KCNJ12: variants seen among roughly 807,000 people sequenced by gnomAD.
KCNJ12 encodes ATP-sensitive inward rectifier potassium channel 12.
KCNJ12 carries 2 observed loss-of-function variants against 22.3 expected under a neutral mutation model. The observed-to-expected ratio is 0.09, with a 90% CI of 0.04 to 0.28. The LOEUF (loss-of-function observed/expected upper bound fraction) is 0.28, where lower values mean the gene tolerates loss of function less well. Ranked by LOEUF, KCNJ12 falls within the 10% of genes least tolerant of loss-of-function variation. KCNJ12 has a pLI of 1.00. For missense variants in KCNJ12, 155 were observed against 633.3 expected, an observed-to-expected ratio of 0.24 and a Z score of 8.11; for synonymous variants, 117 against 261.4, an observed-to-expected ratio of 0.45 and a Z score of 5.33.
intron 1 of KCNJ12, among the ~76,000 whole-genome samples, chr17:21,383,883 A>T (rs781977898): frequency 6.6e-6 from 1 of 152,212 alleles, no homozygotes; most frequent in African/African-American, 2.4e-5. Flanking sequence ...CACATGAGCC[A>T]TCACGGGCAT....
chr17:21,415,278 C>G lies in KCNJ12; in HGVS notation c.-56-9C>G. On this transcript the variant is annotated splice_polypyrimidine_tract_variant and intron_variant, in intron 2 of 2. Transcript: ENST00000583088. The stretch of plus-strand genomic sequence containing the variant: ...AGCCCAGCCAGACATGCTGTCGTCT[C>G]TGTTGCAGGAGCCGCCCTGCCTGGA... 1 of 1,563,104 alleles carries G rather than the reference C, an allele frequency of 6.4e-7. No homozygotes were observed.
chr17:21,401,044 T>C (rs1351768953), intron 1 of KCNJ12, among the ~76,000 whole-genome samples: 152 of 152,174 alleles, frequency 1.0e-3, no homozygotes, highest in African/African-American at 3.3e-3. Flanking sequence ...TGATGATTTT[T>C]CCCCCATCAA....
chr17:21,412,331 C>A (rs1239511500), intron 2 of KCNJ12, among the ~76,000 whole-genome samples: 1 of 152,282 alleles, frequency 6.6e-6, no homozygotes. Context: ...TGTGGCAGCA[C>A]CCTCACCAGT....
At chr17:21,389,300 G>C (rs1905150804) in intron 1 of KCNJ12, among the ~76,000 whole-genome samples, 1 of 152,230 alleles carries the variant, frequency 6.6e-6, no homozygotes, top group Non-Finnish European at 1.5e-5. Context: ...ACCAAGCTAA[G>C]AGGACAAGCC....
intron 1 of KCNJ12, among the ~76,000 whole-genome samples, chr17:21,396,312 A>G (rs1905361008): frequency 6.6e-6 from 1 of 152,154 alleles, no homozygotes; most frequent in Non-Finnish European, 1.5e-5. Context: ...GGAATCTGAG[A>G]TGACACAGCC....
At chr17:21,411,397 G>A (rs1272770401) in intron 2 of KCNJ12, among the ~76,000 whole-genome samples, 3 of 152,184 alleles carry the variant, frequency 2.0e-5, no homozygotes, top group South Asian at 2.1e-4. Context: ...CCGGGCCCGT[G>A]CTCTCTCCCC....
At chr17:21,382,190 C>G (rs566165064) in intron 1 of KCNJ12, among the ~76,000 whole-genome samples, 328 of 152,342 alleles carry the variant, frequency 2.2e-3, no homozygotes, top group South Asian at 7.9e-3. Context: ...GCTCCAAGCC[C>G]TGTTGTGTCC....
chr17:21,396,536 G>C (rs570599071), intron 1 of KCNJ12, among the ~76,000 whole-genome samples: 1 of 152,310 alleles, frequency 6.6e-6, no homozygotes, highest in East Asian at 1.9e-4. Flanking sequence ...CCCCGTGCCT[G>C]GCCGGGGTTC....
At chr17:21,381,037 G>A (rs1904847676) in intron 1 of KCNJ12, among the ~76,000 whole-genome samples, 1 of 152,254 alleles carries the variant, frequency 6.6e-6, no homozygotes, top group African/African-American at 2.4e-5. Flanking sequence ...TGCATCATTG[G>A]ACATGGTTCC....
chr17:21,411,219 C>T (rs1473834106), intron 2 of KCNJ12, among the ~76,000 whole-genome samples: 158 of 152,336 alleles, frequency 1.0e-3, no homozygotes, highest in African/African-American at 2.6e-3. Context: ...AAGCACCTCC[C>T]GGTGACTCCT....
At chr17:21,402,057 C>T (rs558556892) in intron 1 of KCNJ12, among the ~76,000 whole-genome samples, 22 of 152,380 alleles carry the variant, frequency 1.4e-4, no homozygotes, top group South Asian at 8.3e-4. Flanking sequence ...TGCGCGTCCT[C>T]GGCCAAGTCC....
At position 21,379,214 on chromosome 17, in the gene KCNJ12, T is replaced by C. The variant is rs560030209; in HGVS notation, c.-179+2301T>C. ...CCGGTTCTGCCTATGGGCAGTTTTCTCTGCCTAGCCAGGCCTCCGGTACCC... is the reference window on the plus strand; with the variant it reads ...CCGGTTCTGCCTATGGGCAGTTTTCCCTGCCTAGCCAGGCCTCCGGTACCC... On this transcript the variant is annotated intron_variant, in intron 1 of 2. Transcript: ENST00000583088. Among the ~76,000 whole-genome samples the C allele has an allele frequency of 3.9e-5, 6 of 152,358 alleles. No individual in the cohort carries two copies. The East Asian group carries it at 1.2e-3, about 29-fold the overall frequency.
In KCNJ12 at chr17:21,410,261, C is replaced by T. The variant is rs1268253527; in HGVS notation, c.-57+1621C>T. 5.9e-5 allele frequency among the ~76,000 whole-genome samples: 9 copies of T among 152,354 alleles called. No individual in the cohort carries two copies. In the East Asian group the frequency reaches 1.7e-3, roughly 29 times the overall value. On this transcript the variant is annotated intron_variant, in intron 2 of 2. Transcript: ENST00000583088. ...CTGCAGCCAGCCCTGCCTCTCACACCCTATGTGACGGAGCAAGGGCACCGG... is the reference window on the plus strand; with the variant it reads ...CTGCAGCCAGCCCTGCCTCTCACACTCTATGTGACGGAGCAAGGGCACCGG...
chr17:21,398,304 G>T (rs1239657449), intron 1 of KCNJ12, among the ~76,000 whole-genome samples: 1 of 152,204 alleles, frequency 6.6e-6, no homozygotes, highest in Non-Finnish European at 1.5e-5. Flanking sequence ...GAGCTCCCTG[G>T]TCATACCCCA....
chr17:21,384,186 C>G (rs1440503039), intron 1 of KCNJ12, among the ~76,000 whole-genome samples: 1 of 152,178 alleles, frequency 6.6e-6, no homozygotes, highest in Non-Finnish European at 1.5e-5. Flanking sequence ...GTCCCCTGCA[C>G]TATGCGCACT....
At chr17:21,384,770 G>GTTTT (rs200586129) in intron 1 of KCNJ12, among the ~76,000 whole-genome samples, 30 of 128,658 alleles carry the variant, frequency 2.3e-4, no homozygotes, top group East Asian at 6.6e-4. Context: ...TTGTTTGTTT[G>GTTTT]TTTTTTTTTT....
chr17:21,398,255 A>C (rs963278176), intron 1 of KCNJ12, among the ~76,000 whole-genome samples: 8 of 152,200 alleles, frequency 5.3e-5, no homozygotes, highest in African/African-American at 1.9e-4. Context: ...CTGGAGGCAC[A>C]CGCAGGTGGA....
chr17:21,407,101 A>C (rs1470794351), intron 1 of KCNJ12, among the ~76,000 whole-genome samples: 1 of 152,290 alleles, frequency 6.6e-6, no homozygotes, highest in Non-Finnish European at 1.5e-5. Context: ...TCATCCATCT[A>C]GTCATCTATC....
chr17:21,392,509 C>CT (rs1905234510), intron 1 of KCNJ12, among the ~76,000 whole-genome samples: 1 of 152,260 alleles, frequency 6.6e-6, no homozygotes, highest in Non-Finnish European at 1.5e-5. Flanking sequence ...GTCCCCACTA[C>CT]TTAATCATCT....
Sources: allele counts gnomAD v4.1 joint callset (sites outside exome capture counted in the v4.1 genomes callset), GRCh38; gene constraint gnomAD v4.1.1; transcripts MANE v1.5; gene names NCBI Gene and HGNC (gene_info 2026-07-23, HGNC 2026-07-21).